LRRCC1: variants seen among roughly 807,000 people sequenced by gnomAD.
LRRCC1 encodes the protein leucine-rich repeat and coiled-coil domain-containing protein 1.
Under a neutral mutation model 126.0 loss-of-function variants are expected in LRRCC1, and 115 were observed. That is an observed-to-expected ratio of 0.91 (90% CI 0.78 to 1.07). LRRCC1 has a LOEUF of 1.07. LRRCC1 is among the 50% of genes least tolerant of loss of function. The pLI, the probability that LRRCC1 is intolerant of heterozygous loss-of-function variation, is 0.00. For synonymous variants in LRRCC1, 400 were observed against 393.4 expected, an observed-to-expected ratio of 1.02 and a Z score of -0.20; for missense variants, 1,172 against 1,175.7, an observed-to-expected ratio of 1.00 and a Z score of 0.05.
intron 18 of LRRCC1, among the ~76,000 whole-genome samples, chr8:85,145,117 G>GTGTATA (rs1554679351): frequency 6.6e-4 from 94 of 143,368 alleles, no homozygotes; most frequent in African/African-American, 1.3e-3. Flanking sequence ...ATATATGTGT[G>GTGTATA]TATATATATA....
At chr8:85,132,012 G>T (rs1810507600) in intron 12 of LRRCC1, 51 bp downstream of exon 12, 1 of 1,465,560 alleles carries the variant, frequency 6.8e-7, no homozygotes, top group East Asian at 2.3e-5. Context: ...GTAAGATATG[G>T]TTTGATGAGA....
intron 18 of LRRCC1, 36 bp downstream of exon 18, chr8:85,141,553 A>T (rs762887084): frequency 6.9e-7 from 1 of 1,451,864 alleles, no homozygotes. Flanking sequence ...TAATCAGTAT[A>T]TTACATGATT....
At position 85,112,546 on chromosome 8, in the gene LRRCC1, C is replaced by T. The variant is rs539599452; in HGVS notation, c.377-386C>T. 2.6e-5 allele frequency among the ~76,000 whole-genome samples: 4 copies of T among 152,288 alleles called. No homozygotes were observed. The East Asian group carries it at 5.8e-4, about 22-fold the overall frequency. The stretch of plus-strand genomic sequence containing the variant: ...CTAATGTATTTATTTTATATTCAAA[C>T]CAGCAAAATTGAAGTGTACTACAGA... On this transcript the variant is annotated intron_variant, in intron 3 of 18. Coordinates refer to ENST00000360375, the MANE Select transcript of LRRCC1 (RefSeq NM_033402.5).
intron 3 of LRRCC1, 73 bp downstream of exon 3, chr8:85,110,253 A>C: frequency 1.6e-6 from 1 of 609,728 alleles, no homozygotes; most frequent in South Asian, 3.1e-5. Context: ...GCTCAGCTAA[A>C]CATGTTGGAA....
At chr8:85,119,481 G>A (rs186919909) in intron 6 of LRRCC1, among the ~76,000 whole-genome samples, 1 of 143,688 alleles carries the variant, frequency 7.0e-6, no homozygotes, top group Non-Finnish European at 1.5e-5. Flanking sequence ...TTACTTTGCT[G>A]TTTGTTTTCT....
intron 6 of LRRCC1, among the ~76,000 whole-genome samples, chr8:85,119,659 A>C (rs1009408795): frequency 2.0e-5 from 3 of 151,840 alleles, no homozygotes; most frequent in Non-Finnish European, 4.4e-5. Context: ...ACACCCGGCT[A>C]ATTTTTGTAA....
chr8:85,136,399 C>A (rs1052887933), intron 14 of LRRCC1, among the ~76,000 whole-genome samples: 2 of 151,998 alleles, frequency 1.3e-5, no homozygotes, highest in Non-Finnish European at 2.9e-5. Context: ...CTCAGCCTCC[C>A]GAGTAGCTGG....
rs950797647 is a variant in LRRCC1 at position 85,139,052 on chromosome 8, G to GA, written c.2840+587dup. 1.0e-3 allele frequency among the ~76,000 whole-genome samples: 149 copies of GA among 145,028 alleles called. 1 individual carries two copies. The highest frequency in any genetic ancestry group is 1.7e-3 in the Non-Finnish European group (109 of 65,682). ...CAAGAGCGAAACTTTGTCTCAAAAA[G>GA]AAAAAAAAAAGAATTGCTATATGAA... On this transcript the variant is annotated intron_variant, in intron 17 of 18. Transcript: ENST00000360375.
At chr8:85,132,734 T>TG (rs1206025757) in intron 12 of LRRCC1, among the ~76,000 whole-genome samples, 1 of 152,176 alleles carries the variant, frequency 6.6e-6, no homozygotes, top group Non-Finnish European at 1.5e-5. Flanking sequence ...GCCTGGCCTG[T>TG]ATAGCCTAAC....
intron 12 of LRRCC1, among the ~76,000 whole-genome samples, chr8:85,133,407 T>C (rs769086842): frequency 2.0e-5 from 3 of 152,214 alleles, no homozygotes; most frequent in Non-Finnish European, 4.4e-5. Flanking sequence ...AAATTCCTTT[T>C]CTTTTCTATA....
At chr8:85,128,695 C>A (rs1275247416) in intron 9 of LRRCC1, among the ~76,000 whole-genome samples, 1 of 152,046 alleles carries the variant, frequency 6.6e-6, no homozygotes, top group South Asian at 2.1e-4. Context: ...ATCACCATGG[C>A]CTCAGGTGGA....
chr8:85,112,169 C>T (rs1808780473), intron 3 of LRRCC1, among the ~76,000 whole-genome samples: 1 of 152,046 alleles, frequency 6.6e-6, no homozygotes, highest in Non-Finnish European at 1.5e-5. Context: ...ATCACTGTGC[C>T]TGGCTGAGTT....
rs1418442783 is a variant in LRRCC1, at chr8:85,117,985, T to C, written c.930+2401T>C. ...CATATATCTGTTATCCAAATTTCTG[T>C]GAAGGTTAACATTATCATGTTCCCT... On this transcript the variant is annotated intron_variant, in intron 6 of 18. Transcript: ENST00000360375. Among the ~76,000 whole-genome samples the C allele has an allele frequency of 2.0e-5, 3 of 152,136 alleles. No homozygotes were observed. In the East Asian group the frequency reaches 5.8e-4, roughly 29 times the overall value.
chr8:85,141,265 T>C (rs951607180), intron 17 of LRRCC1, 117 bp from the exon 18 acceptor site: 2 of 706,826 alleles, frequency 2.8e-6, no homozygotes, highest in Non-Finnish European at 4.6e-6. Context: ...ATTTTCATAA[T>C]ACTGAGTTAT....
Position 85,141,403 on chromosome 8 carries a change from T to C in LRRCC1, c.2862T>C (p.His954=). The change falls in exon 18 of 19, where the codon CAT becomes CAC. Residue 954 remains histidine (H), a synonymous_variant. Coordinates refer to ENST00000360375, the MANE Select transcript of LRRCC1 (RefSeq NM_033402.5). ...TAAGGAATGCAATGGAAAAACTTCA[T>C]AGTATGGATGATGCCTTTAAAAGAC... is the stretch of plus-strand genomic sequence containing the variant. ...ELQKNAMEKL[H]SMDDAFKRQV... 3 of 1,612,652 alleles carry C rather than the reference T, an allele frequency of 1.9e-6. No homozygotes were observed. Among genetic ancestry groups the C allele is most frequent in the Non-Finnish European group, 1.7e-6 (2 of 1,179,108 alleles).
At chr8:85,109,870 G>A (rs1254386765) in intron 2 of LRRCC1, 70 bp downstream of exon 2, 3 of 778,740 alleles carry the variant, frequency 3.9e-6, no homozygotes, top group East Asian at 2.7e-5. Context: ...TTCCCCAAAA[G>A]AATGGAATAA....
At chr8:85,137,656 G>A (rs779077500) in intron 15 of LRRCC1, 29 bp downstream of exon 15, 33 of 1,377,992 alleles carry the variant, frequency 2.4e-5, no homozygotes, top group Non-Finnish European at 3.1e-5. Context: ...TTTGGTTAAA[G>A]AGCAAATGGC....
chr8:85,135,168 T>C (rs1396304698), intron 13 of LRRCC1, 136 bp downstream of exon 13: 12 of 531,798 alleles, frequency 2.3e-5, no homozygotes, highest in South Asian at 1.1e-4. Flanking sequence ...AAAAATAGTA[T>C]AACTAAAGAA....
chr8:85,133,019 G>A (rs1310527894), intron 12 of LRRCC1, among the ~76,000 whole-genome samples: 3 of 152,086 alleles, frequency 2.0e-5, no homozygotes, highest in African/African-American at 7.2e-5. Context: ...CTACTATGTT[G>A]TTTCTCTGCT....
Sources: allele counts gnomAD v4.1 joint callset (sites outside exome capture counted in the v4.1 genomes callset), GRCh38; gene constraint gnomAD v4.1.1; transcripts MANE v1.5; gene names NCBI Gene and HGNC (gene_info 2026-07-23, HGNC 2026-07-21).